Variants in FER1L6 observed in about 807,000 individuals in gnomAD.
The protein encoded by FER1L6 is fer-1 like family member 6, also known as fer-1-like protein 6.
In FER1L6, 177 loss-of-function variants were observed where a neutral mutation model predicts 219.2. The ratio of observed to expected loss-of-function variants is 0.81; its 90% CI spans 0.71 to 0.91. FER1L6 has a LOEUF of 0.91. Among genes scored for constraint, FER1L6 ranks in the 40% least tolerant of loss-of-function variants. The pLI, the probability that FER1L6 is intolerant of heterozygous loss-of-function variation, is 0.00. For missense variants in FER1L6, 2,153 were observed against 2,259.9 expected, an observed-to-expected ratio of 0.95 and a Z score of 0.96; for synonymous variants, 768 against 824.3, an observed-to-expected ratio of 0.93 and a Z score of 1.17.
chr8:124,060,366 G>A (rs1820508391), intron 23 of FER1L6, 76 bp downstream of exon 23: 2 of 1,480,532 alleles, frequency 1.4e-6, no homozygotes, highest in Non-Finnish European at 1.9e-6. Context: ...TAGGAGAGGT[G>A]ATATGGAATG....
At chr8:124,000,918 A>G (rs1817379379) in intron 12 of FER1L6, among the ~76,000 whole-genome samples, 1 of 152,222 alleles carries the variant, frequency 6.6e-6, no homozygotes, top group East Asian at 1.9e-4. Flanking sequence ...TAGAGAGGGC[A>G]GAGGGACCCA....
chr8:123,964,350 T>C (rs1304457660), intron 3 of FER1L6, among the ~76,000 whole-genome samples: 3 of 152,196 alleles, frequency 2.0e-5, no homozygotes, highest in Non-Finnish European at 2.9e-5. Flanking sequence ...GTTGTTACTA[T>C]CAATAAAACA....
At chr8:123,971,927 A>G (rs998030243) in intron 6 of FER1L6, among the ~76,000 whole-genome samples, 1 of 152,234 alleles carries the variant, frequency 6.6e-6, no homozygotes, top group Non-Finnish European at 1.5e-5. Flanking sequence ...CTGGCACTCA[A>G]CCACTGGATG....
intron 12 of FER1L6, among the ~76,000 whole-genome samples, chr8:123,996,979 G>A (rs1016327690): frequency 6.6e-6 from 1 of 152,006 alleles, no homozygotes; most frequent in Admixed American, 6.5e-5. Flanking sequence ...TAAAGTTGTT[G>A]TAGTTATTTG....
intron 1 of FER1L6, among the ~76,000 whole-genome samples, chr8:123,900,862 A>G (rs1294766440): frequency 6.6e-6 from 1 of 152,182 alleles, no homozygotes; most frequent in Non-Finnish European, 1.5e-5. Context: ...AGACTTGATC[A>G]TGGTGGATTA....
Position 124,103,129 on chromosome 8 carries a change from G to A in FER1L6, c.5126-17G>A. On this transcript the variant is annotated splice_polypyrimidine_tract_variant and intron_variant, in intron 38 of 40. Transcript: ENST00000522917. ...TTAGAAAATGCTTCCCTAACTGTTA[G>A]GGTCATCTCTCCACAGGCACCCTGG... 3 of 1,610,894 alleles carry A rather than the reference G, an allele frequency of 1.9e-6. No individual in the cohort carries two copies. Among genetic ancestry groups the A allele is most frequent in the Non-Finnish European group, 2.5e-6 (3 of 1,178,494 alleles).
At chr8:123,866,955 C>T (rs1285990778) in intron 1 of FER1L6, among the ~76,000 whole-genome samples, 1 of 152,192 alleles carries the variant, frequency 6.6e-6, no homozygotes, top group Non-Finnish European at 1.5e-5. Context: ...TTGAGTTCCT[C>T]ATATATTTTG....
intron 20 of FER1L6, among the ~76,000 whole-genome samples, chr8:124,041,056 T>G (rs1819465798): frequency 6.6e-6 from 1 of 152,210 alleles, no homozygotes; most frequent in African/African-American, 2.4e-5. Context: ...AGGATGCTTG[T>G]CTCATTAGAT....
chr8:124,049,698 C>G lies in FER1L6; in HGVS notation c.2816C>G (p.Pro939Arg). The G allele has an allele frequency of 1.9e-6, 3 of 1,614,060 alleles. No homozygotes were observed. The highest frequency in any genetic ancestry group is 2.2e-5 in the East Asian group (1 of 44,878). ...DYEPPRLCYH[P>R]IFCGNLSGGD... ...GAGCCCCCCAGGTTATGCTATCACC[C>G]CATCTTTTGTGGGAATCTCTCTGGA... is the stretch of plus-strand genomic sequence containing the variant. Residue 939 changes from proline (P) to arginine (R), a missense_variant, in exon 22 of 41, where the codon CCC (proline) becomes CGC (arginine). By Grantham distance (103) the Pro-to-Arg change is moderately radical. Transcript: ENST00000522917.
intron 1 of FER1L6, among the ~76,000 whole-genome samples, chr8:123,905,244 CACCCCTG>C (rs1812931143): frequency 6.6e-6 from 1 of 152,164 alleles, no homozygotes; most frequent in Admixed American, 6.5e-5. Flanking sequence ...CTCCCCCCAA[CACCCCTG>C]GCAGGCCACA....
chr8:124,095,180 G>A, intron 35 of FER1L6, 142 bp downstream of exon 35: 2 of 1,110,502 alleles, frequency 1.8e-6, no homozygotes, highest in Non-Finnish European at 2.6e-6. Context: ...AAGTAGGTGG[G>A]GTTGCTACTG....
intron 19 of FER1L6, among the ~76,000 whole-genome samples, chr8:124,036,733 A>G (rs1330467583): frequency 6.6e-6 from 1 of 152,180 alleles, no homozygotes; most frequent in Non-Finnish European, 1.5e-5. Context: ...TTGCTATCCC[A>G]GCTACTAACA....
chr8:124,114,229 C>T (rs1246659720), intron 39 of FER1L6, among the ~76,000 whole-genome samples: 2 of 152,032 alleles, frequency 1.3e-5, no homozygotes, highest in African/African-American at 2.4e-5. Context: ...CTCCCCCACC[C>T]CCCAAAAAGA....
intron 39 of FER1L6, among the ~76,000 whole-genome samples, chr8:124,104,345 C>G (rs1023384402): frequency 6.6e-6 from 1 of 152,148 alleles, no homozygotes; most frequent in South Asian, 2.1e-4. Context: ...CTGCTCTCAG[C>G]CAGCTCAGAG....
intron 1 of FER1L6, among the ~76,000 whole-genome samples, chr8:123,890,624 G>GCTTTTT (rs1812626650): frequency 3.9e-5 from 2 of 51,536 alleles, no homozygotes; most frequent in South Asian, 6.8e-4. Context: ...TTAAAAATTT[G>GCTTTTT]ATTTTTTTTT....
At position 124,035,534 on chromosome 8, in the gene FER1L6, A is replaced by G. The variant is rs183700694; in HGVS notation, c.2464+80A>G. On this transcript the variant is annotated intron_variant, in intron 19 of 40. Transcript: ENST00000522917. ...AAAGATAATAAGGAGGGCAGCATGC[A>G]TGAGTTTTTTGCACATTATTTTAGG... The G allele has an allele frequency of 3.7e-4, 526 of 1,430,328 alleles. 2 individuals are homozygous for G. The African/African-American group carries it at 4.8e-3, about 13-fold the overall frequency. The allele number at this position is 1,430,328 out of a possible 1,614,324, so 88.6% of individuals were successfully genotyped here. A position where few individuals can be genotyped will look rare whatever the true frequency, so the allele number is the denominator to read the frequency against.
At chr8:123,915,036 C>CTTTTTTTTTT (rs56930256) in intron 1 of FER1L6, among the ~76,000 whole-genome samples, 2 of 146,866 alleles carry the variant, frequency 1.4e-5, no homozygotes, top group Non-Finnish European at 1.5e-5. Context: ...GTATTACATG[C>CTTTTTTTTTT]TTTTTTTTTT....
intron 20 of FER1L6, among the ~76,000 whole-genome samples, chr8:124,044,566 C>T (rs1819641129): frequency 6.6e-6 from 1 of 152,182 alleles, no homozygotes; most frequent in Non-Finnish European, 1.5e-5. Context: ...TCTAGACTTT[C>T]CTCCTAGATT....
rs1454695427 is a variant in FER1L6 at position 123,986,153 on chromosome 8, C to T, written c.1496C>T (p.Pro499Leu). Residue 499 changes from proline to leucine, a missense_variant, in exon 12 of 41, where the codon CCC (proline) becomes CTC (leucine). By Grantham distance (98) the Pro-to-Leu change is moderately conservative. Transcript: ENST00000522917. ...TMIDRKIGDK[P>L]ISFEVSIGNF... Reference sequence around the variant, plus strand: ...ATTGACCGGAAGATTGGAGATAAACCCATCAGCTTTGAAGTTTCTATTGGT... The same window carrying T: ...ATTGACCGGAAGATTGGAGATAAACTCATCAGCTTTGAAGTTTCTATTGGT... 6.2e-7 allele frequency: 1 copy of T among 1,611,314 alleles called. No individual in the cohort carries two copies. The highest frequency in any genetic ancestry group is 8.5e-7 in the Non-Finnish European group (1 of 1,177,554).
Sources: gnomAD v4.1 joint callset for allele counts (sites outside exome capture counted in the v4.1 genomes callset) on GRCh38, gnomAD v4.1.1 for gene constraint, MANE v1.5 for transcripts, NCBI Gene and HGNC (gene_info 2026-07-23, HGNC 2026-07-21) for gene names.